KRT9: variants seen among roughly 807,000 people sequenced by gnomAD.
KRT9 encodes keratin, type I cytoskeletal 9.
A neutral mutation model predicts 51.4 loss-of-function variants in KRT9; 34 were observed. That is an observed-to-expected ratio of 0.66 (90% CI 0.50 to 0.88). The LOEUF is 0.88. Among genes scored for constraint, KRT9 ranks in the 40% least tolerant of loss-of-function variants. KRT9 has a pLI of 0.00. For synonymous variants in KRT9, 292 were observed against 289.7 expected, an observed-to-expected ratio of 1.01 and a Z score of -0.08; for missense variants, 753 against 790.3, an observed-to-expected ratio of 0.95 and a Z score of 0.57.
rs764394233 is a variant in KRT9 at position 41,571,985 on chromosome 17, C to G, written c.8G>C (p.Cys3Ser). 1.9e-6 allele frequency: 3 copies of G among 1,580,016 alleles called. No individual in the cohort carries two copies. In the South Asian group the frequency reaches 3.5e-5, roughly 18 times the overall value. MS[C>S]RQFSSSYLSR... is the part of the protein sequence containing the mutation. ...CAAGTAGGACGAGGAGAACTGTCTGCAGCTCATGACACAGCTGGTAGCTCA... is the reference window on the plus strand; with the variant it reads ...CAAGTAGGACGAGGAGAACTGTCTGGAGCTCATGACACAGCTGGTAGCTCA... Residue 3 changes from cysteine (C) to serine (S), a missense_variant, in exon 1 of 8, where the codon TGC (cysteine) becomes TCC (serine). By Grantham distance (112) the Cys-to-Ser change is moderately radical. Coordinates refer to ENST00000246662, the MANE Select transcript of KRT9 (RefSeq NM_000226.4).
intron 4 of KRT9, 107 bp downstream of exon 4, chr17:41,569,319 G>T (rs1906988904): frequency 6.4e-6 from 7 of 1,095,650 alleles, no homozygotes; most frequent in Non-Finnish European, 9.6e-6. Context: ...AATGACAGCT[G>T]CACTGAGAGA....
intron 3 of KRT9, 116 bp downstream of exon 3, chr17:41,569,743 G>A: frequency 6.7e-7 from 1 of 1,498,366 alleles, no homozygotes; most frequent in Non-Finnish European, 9.3e-7. Flanking sequence ...GAAGTTGAAA[G>A]TGTCCTCAAG....
In KRT9 at chr17:41,567,215, C is replaced by T. The variant is rs1049600847; in HGVS notation, c.*40+18G>A. 3.1e-6 allele frequency: 5 copies of T among 1,613,700 alleles called. No individual in the cohort carries two copies. In the African/African-American group the frequency reaches 6.7e-5, roughly 22 times the overall value. ...GAGACCTTGACTCTCCACCCCACAA[C>T]CTAGGATTGTCCCTTACCTTTTGTC... On this transcript the variant is annotated intron_variant, in intron 7 of 7. Coordinates refer to ENST00000246662, the MANE Select transcript of KRT9 (RefSeq NM_000226.4).
rs774223087 is a variant in KRT9 at position 41,570,126 on chromosome 17, A to G, written c.725+12T>C. 4.3e-6 allele frequency: 7 copies of G among 1,613,588 alleles called. No individual in the cohort carries two copies. The highest frequency in any genetic ancestry group is 5.9e-6 in the Non-Finnish European group (7 of 1,179,606). On this transcript the variant is annotated intron_variant, in intron 2 of 7. Transcript: ENST00000246662. The stretch of plus-strand genomic sequence containing the variant: ...GCTGATGACAGGAGAGGAGAAGAGG[A>G]GCAGGACTCACTTTATCCTGAAGTC...
rs1035866296 is a variant in KRT9 at position 41,567,901 on chromosome 17, G to A, written c.1395-151C>T. ...CAGAGTCTGGGCGGGCACCACAGCT[G>A]GGAGAGGAGAGCCTCCAGCTGAGAC... is the stretch of plus-strand genomic sequence containing the variant. On this transcript the variant is annotated intron_variant, in intron 6 of 7. Coordinates refer to ENST00000246662, the MANE Select transcript of KRT9 (RefSeq NM_000226.4). 25 of 1,467,050 alleles carry A rather than the reference G, an allele frequency of 1.7e-5. No homozygotes were observed. The Admixed American group carries it at 5.1e-4, about 30-fold the overall frequency. The allele number at this position is 1,467,050 out of a possible 1,614,324, so 90.9% of individuals were successfully genotyped here.
rs780777859 is a variant in KRT9 at position 41,571,810 on chromosome 17, A to C, written c.183T>G (p.Cys61Trp). ...CAAAACTGCCACCGCCTCCCCTCCC[A>C]CAGACACGAGAGCTTCCCCCACCAT... The part of the protein sequence containing the change: ...SGYGGGSSRV[C>W]GRGGGGSFGY... The change falls in exon 1 of 8, where the codon TGT becomes TGG. Residue 61 changes from cysteine to tryptophan, a missense_variant. By Grantham distance (215) the Cys-to-Trp change is radical. Coordinates refer to ENST00000246662, the MANE Select transcript of KRT9 (RefSeq NM_000226.4). The C allele has an allele frequency of 1.9e-6, 3 of 1,609,734 alleles. No individual in the cohort carries two copies. Among genetic ancestry groups the C allele is most frequent in the African/African-American group, 1.4e-5 (1 of 74,066 alleles).
Position 41,568,229 on chromosome 17 carries a change from T to C in KRT9, c.1327A>G (p.Ile443Val). ...ATTTCCTTCTCCAGCCGCATCTTAATGCTGAGCAGAAGGCTGTATTCCTGA... is the reference window on the plus strand; with the variant it reads ...ATTTCCTTCTCCAGCCGCATCTTAACGCTGAGCAGAAGGCTGTATTCCTGA... Reference protein sequence around the residue: ...QNQEYSLLLSIKMRLEKEIET... With the variant: ...QNQEYSLLLSVKMRLEKEIET... The change falls in exon 6 of 8, where the codon ATT becomes GTT. Residue 443 changes from isoleucine to valine, a missense_variant. Transcript: ENST00000246662. 6.2e-7 allele frequency: 1 copy of C among 1,614,116 alleles called. No homozygotes were observed. Among genetic ancestry groups the C allele is most frequent in the Non-Finnish European group, 8.5e-7 (1 of 1,180,026 alleles).
intron 1 of KRT9, among the ~76,000 whole-genome samples, chr17:41,570,848 T>G (rs1907057539): frequency 6.6e-6 from 1 of 152,046 alleles, no homozygotes; most frequent in Non-Finnish European, 1.5e-5. Context: ...AATGGATAGA[T>G]AGATAGACAT....
At position 41,570,064 on chromosome 17, in the gene KRT9, A is replaced by T. The variant is rs548348466; in HGVS notation, c.726-49T>A. The T allele has an allele frequency of 2.5e-6, 4 of 1,611,816 alleles. No homozygotes were observed. In the East Asian group the frequency reaches 6.7e-5, roughly 27 times the overall value. ...AACAATCAAGAGGGAACCAGGCCCT[A>T]CCAGGACCTCCAGAGCACTGAGGTT... On this transcript the variant is annotated intron_variant, in intron 2 of 7. Coordinates refer to ENST00000246662, the MANE Select transcript of KRT9 (RefSeq NM_000226.4).
At position 41,571,453 on chromosome 17, in the gene KRT9, G is replaced by T. The variant is rs114438618; in HGVS notation, c.540C>A (p.Asp180Glu). ...ACCAATCCTGGATCTTATTCTCCAGGTCGTTGTTGGCCTCCTCTAGAGCCT... is the reference window on the plus strand; with the variant it reads ...ACCAATCCTGGATCTTATTCTCCAGTTCGTTGTTGGCCTCCTCTAGAGCCT... Reference protein sequence around the residue: ...KVQALEEANNDLENKIQDWYD... With the variant: ...KVQALEEANNELENKIQDWYD... The change falls in exon 1 of 8, where the codon GAC becomes GAA. Residue 180 changes from aspartate to glutamate, a missense_variant. By Grantham distance (45) the Asp-to-Glu change is conservative. Coordinates refer to ENST00000246662, the MANE Select transcript of KRT9 (RefSeq NM_000226.4). 2.8e-4 allele frequency: 455 copies of T among 1,613,956 alleles called. 4 individuals carry two copies. The East Asian group carries it at 8.2e-3, about 29-fold the overall frequency.
rs146001104 is a variant in KRT9 at position 41,567,558 on chromosome 17, A to G, written c.1587T>C (p.Gly529=). The change falls in exon 7 of 8, where the codon GGT becomes GGC. Residue 529 remains glycine, a synonymous_variant. Coordinates refer to ENST00000246662, the MANE Select transcript of KRT9 (RefSeq NM_000226.4). ...SYGGGSGSGG[G]SGGGYGGGSG... The stretch of plus-strand genomic sequence containing the variant: ...TTCCTCCACCATAGCCACCTCCACT[A>G]CCTCCTCCAGAACCACTTCCTCCAC... The G allele has an allele frequency of 1.7e-3, 2,513 of 1,502,600 alleles. 34 individuals carry two copies. The African/African-American group carries it at 0.036, about 22-fold the overall frequency. 93.1% of individuals were successfully genotyped at this position (1,502,600 alleles called of 1,614,324 possible). A position where few individuals can be genotyped will look rare whatever the true frequency, so the allele number is the denominator to read the frequency against.
rs1597794092 is a variant in KRT9 at position 41,570,213 on chromosome 17, T to G, written c.650A>C (p.Asp217Ala). ...TIDDLKDQIVDLTVGNNKTLL... is the reference protein window; with the variant it reads ...TIDDLKDQIVALTVGNNKTLL... ...AGTTTTGTTGTTGCCCACTGTCAGG[T>G]CCACAATCTGAAAAAAAAAGGACAC... The change falls in exon 2 of 8, where the codon GAC becomes GCC. Residue 217 changes from aspartate to alanine, a missense_variant. Physicochemically the swap from Asp to Ala is moderately radical, Grantham distance 126 (BLOSUM62 -2). Around this residue, in one of 3 missense-constraint regions of KRT9, gnomAD observed 507 missense variants for 563.7 expected, o/e 0.90. Transcript: ENST00000246662. 6.2e-7 allele frequency: 1 copy of G among 1,613,478 alleles called. No individual in the cohort carries two copies. The highest frequency in any genetic ancestry group is 8.5e-7 in the Non-Finnish European group (1 of 1,179,700).
At position 41,571,435 on chromosome 17, in the gene KRT9, C is replaced by T. The variant is rs1257267445; in HGVS notation, c.558G>A (p.Gln186=). Residue 186 remains glutamine, a synonymous_variant, in exon 1 of 8, where the codon CAG becomes CAA. Transcript: ENST00000246662. ...EANNDLENKI[Q]DWYDKKGPAA... ...CAGGTCCCTTCTTGTCGTACCAATCCTGGATCTTATTCTCCAGGTCGTTGT... is the reference window on the plus strand; with the variant it reads ...CAGGTCCCTTCTTGTCGTACCAATCTTGGATCTTATTCTCCAGGTCGTTGT... 1 of 1,613,948 alleles carries T rather than the reference C, an allele frequency of 6.2e-7. No homozygotes were observed. Among genetic ancestry groups the T allele is most frequent in the African/African-American group, 1.3e-5 (1 of 74,868 alleles).
rs1567731839 is a variant in KRT9 at position 41,568,574 on chromosome 17, C to G, written c.1104G>C (p.Lys368Asn). The change falls in exon 5 of 8, where the codon AAG (lysine) becomes AAC (asparagine). Residue 368 changes from lysine (K) to asparagine (N), a missense_variant. Physicochemically the swap from Lys to Asn is moderately conservative, Grantham distance 94. This residue lies in a region of KRT9 where 507 missense variants were observed against 563.7 expected (regional missense o/e 0.90). Transcript: ENST00000246662. ...CACCGTGCCGGAGCTGGGTCACCTC[C>G]TTGGCACTGGACTGCACCTCCTGAC... ...SSGQEVQSSAKEVTQLRHGVQ... is the reference protein window; with the variant it reads ...SSGQEVQSSANEVTQLRHGVQ... 1.2e-6 allele frequency: 2 copies of G among 1,614,176 alleles called. No individual in the cohort carries two copies. Among genetic ancestry groups the G allele is most frequent in the South Asian group, 2.2e-5 (2 of 91,078 alleles).
In KRT9 at chr17:41,569,968, T is replaced by C. The variant is rs779433821; in HGVS notation, c.773A>G (p.Asn258Ser). 5.6e-6 allele frequency: 9 copies of C among 1,614,082 alleles called. No individual in the cohort carries two copies. The highest frequency in any genetic ancestry group is 2.7e-5 in the African/African-American group (2 of 74,934). The change falls in exon 3 of 8, where the codon AAT becomes AGT. Residue 258 changes from asparagine to serine, a missense_variant. Physicochemically the swap from Asn to Ser is conservative, Grantham distance 46. Transcript: ENST00000246662. The part of the protein sequence containing the change: ...NLRQGVDADI[N>S]GLRQVLDNLT... ...ATTGTCCAGCACCTGCCGCAGGCCATTGATGTCAGCATCCACTCCTTGCCG... is the reference window on the plus strand; with the variant it reads ...ATTGTCCAGCACCTGCCGCAGGCCACTGATGTCAGCATCCACTCCTTGCCG...
At chr17:41,567,149 G>C in intron 7 of KRT9, 84 bp downstream of exon 7, 1 of 1,578,174 alleles carries the variant, frequency 6.3e-7, no homozygotes, top group Non-Finnish European at 8.6e-7. Flanking sequence ...CAGAATCTGT[G>C]TTCCCCAGAG....
intron 7 of KRT9, 148 bp downstream of exon 7, chr17:41,567,085 C>G: frequency 7.5e-7 from 1 of 1,334,876 alleles, no homozygotes; most frequent in Non-Finnish European, 1.0e-6. Context: ...AATTCAGAAC[C>G]AAGGGTAGGT....
chr17:41,571,492 G>A lies in KRT9; in HGVS notation c.501C>T (p.Tyr167=). The part of the protein sequence containing the change: ...MQELNSRLAS[Y]LDKVQALEEA... ...CCTCTAGAGCCTGCACCTTATCCAA[G>A]TAAGAGGCCAGCCGAGAATTGAGTT... The change falls in exon 1 of 8, where the codon TAC becomes TAT. Residue 167 remains tyrosine (Y), a synonymous_variant. Transcript: ENST00000246662. 6.2e-7 allele frequency: 1 copy of A among 1,613,976 alleles called. No homozygotes were observed. Among genetic ancestry groups the A allele is most frequent in the Non-Finnish European group, 8.5e-7 (1 of 1,180,014 alleles).
chr17:41,566,185 A>T (rs1398583022), intron 7 of KRT9, 33 bp from the exon 8 acceptor site: 1 of 152,970 alleles, frequency 6.5e-6, no homozygotes, highest in Non-Finnish European at 1.5e-5. Flanking sequence ...TGAGGGGGAG[A>T]AGGGAGGACT....
Sources: allele counts gnomAD v4.1 joint callset (sites outside exome capture counted in the v4.1 genomes callset), GRCh38; gene constraint gnomAD v4.1.1; regional missense constraint gnomAD v4.1.1; transcripts MANE v1.5; gene names NCBI Gene and HGNC (gene_info 2026-07-23, HGNC 2026-07-21).